The following PDZD2 variants were observed in gnomAD, a reference collection of about 807,000 sequenced individuals.
PDZD2 encodes the protein PDZ domain-containing protein 2.
Under a neutral mutation model 220.7 loss-of-function variants are expected in PDZD2, and 90 were observed. The observed-to-expected ratio is 0.41, with a 90% CI of 0.34 to 0.49. The LOEUF is 0.49. Among genes scored for constraint, PDZD2 ranks in the 20% least tolerant of loss-of-function variants. The probability of loss-of-function intolerance (pLI) is 0.28; values close to 1 mark genes in which losing one functional copy is unlikely to be tolerated. For missense variants in PDZD2, 3,174 were observed against 3,608.5 expected (o/e 0.88, Z 3.08); for synonymous variants, 1,375 against 1,450.5 (o/e 0.95, Z 1.18).
At position 32,101,088 on chromosome 5, in the gene PDZD2, G is replaced by A; in HGVS notation, c.8219-17G>A. The A allele has an allele frequency of 1.2e-6, 2 of 1,614,066 alleles. No homozygotes were observed. The highest frequency in any genetic ancestry group is 8.5e-7 in the Non-Finnish European group (1 of 1,179,934). On this transcript the variant is annotated splice_polypyrimidine_tract_variant and intron_variant, in intron 23 of 24. Coordinates refer to ENST00000438447, the MANE Select transcript of PDZD2 (RefSeq NM_178140.4). ...ACAACCCTGTCATTTTCATCTTGGT[G>A]CACGCTGCGGCTGCAGGGAGAAGTG...
intron 2 of PDZD2, among the ~76,000 whole-genome samples, chr5:31,846,424 C>T (rs1757591976): frequency 6.6e-6 from 1 of 152,146 alleles, no homozygotes; most frequent in Admixed American, 6.6e-5. Flanking sequence ...CGTGAGCCAC[C>T]ACGCCTGGCC....
intron 1 of PDZD2, among the ~76,000 whole-genome samples, chr5:31,717,894 C>G (rs531510142): frequency 6.6e-6 from 1 of 152,272 alleles, no homozygotes; most frequent in East Asian, 1.9e-4. Context: ...TGGAAGGAGC[C>G]TGGAGCCAGC....
intron 1 of PDZD2, among the ~76,000 whole-genome samples, chr5:31,750,598 A>G (rs1656959593): frequency 6.6e-6 from 1 of 152,110 alleles, no homozygotes; most frequent in African/African-American, 2.4e-5. Flanking sequence ...GCGCCGCTCC[A>G]GGGAGGATAT....
In PDZD2 at chr5:32,056,416, G is replaced by C. The variant is rs143362097; in HGVS notation, c.1901-1239G>C. 6.4e-4 allele frequency among the ~76,000 whole-genome samples: 98 copies of C among 152,314 alleles called. No individual in the cohort carries two copies. In the East Asian group the frequency reaches 0.014, roughly 21 times the overall value. ...CTTTGCACTTTCTTATAGGCGTACA[G>C]AGTCCCTCTTCTCTACAGCAATGCT... On this transcript the variant is annotated intron_variant, in intron 10 of 24. Transcript: ENST00000438447.
chr5:31,824,686 A>G (rs973447088), intron 2 of PDZD2, among the ~76,000 whole-genome samples: 3 of 95,784 alleles, frequency 3.1e-5, no homozygotes, highest in African/African-American at 1.4e-4. Flanking sequence ...TCTAACCTGA[A>G]AAAAAAAAAA....
chr5:32,053,816 G>A lies in PDZD2; in HGVS notation c.1833G>A (p.Gln611=), dbSNP rs10940998. ...IAGGRDCIRG[Q]MGIFVKTIFP... is the part of the protein sequence containing the mutation. ...GAGGTCGAGACTGCATTCGTGGACA[G>A]ATGGGGATTTTTGTCAAGACCATCT... is the stretch of plus-strand genomic sequence containing the variant. Residue 611 remains glutamine (Q), a synonymous_variant, in exon 10 of 25, where the codon CAG becomes CAA. Coordinates refer to ENST00000438447, the MANE Select transcript of PDZD2 (RefSeq NM_178140.4). 8.0e-3 allele frequency: 12,892 copies of A among 1,613,612 alleles called. 93 individuals carry two copies. Among genetic ancestry groups the A allele is most frequent in the Non-Finnish European group, 8.8e-3 (10,432 of 1,179,496 alleles).
At chr5:31,678,128 G>C (rs1166879678) in intron 1 of PDZD2, among the ~76,000 whole-genome samples, 1 of 152,194 alleles carries the variant, frequency 6.6e-6, no homozygotes, top group Non-Finnish European at 1.5e-5. Flanking sequence ...GGGACAGATG[G>C]TCAGCGAGCA....
chr5:32,042,465 C>G (rs1417773295), intron 7 of PDZD2, among the ~76,000 whole-genome samples: 1 of 151,664 alleles, frequency 6.6e-6, no homozygotes, highest in African/African-American at 2.4e-5. Context: ...CCCAGCTACT[C>G]GGGAACCTGA....
Position 31,799,290 on chromosome 5 carries a change from C to T in PDZD2, c.42C>T (p.Leu14=), listed in dbSNP as rs1217842592. ...ACAATGCCGTGCTGCACCTGCCCCT[C>T]CTCTACCAGTGGCTGCAGAACAGCC... ...TQDNAVLHLP[L]LYQWLQNSLQ... Residue 14 remains leucine, a synonymous_variant, in exon 2 of 25, where the codon CTC becomes CTT. Transcript: ENST00000438447. 2 of 1,613,182 alleles carry T rather than the reference C, an allele frequency of 1.2e-6. No homozygotes were observed. The highest frequency in any genetic ancestry group is 8.5e-7 in the Non-Finnish European group (1 of 1,179,448).
At chr5:31,712,763 C>A (rs891997352) in intron 1 of PDZD2, among the ~76,000 whole-genome samples, 6 of 152,188 alleles carry the variant, frequency 3.9e-5, no homozygotes, top group Admixed American at 3.9e-4. Flanking sequence ...CACAGAAAAG[C>A]GCAGGAATTG....
chr5:32,095,724 T>G (rs867403700), intron 21 of PDZD2, among the ~76,000 whole-genome samples: 3 of 151,876 alleles, frequency 2.0e-5, no homozygotes, highest in Admixed American at 6.6e-5. Context: ...CATTTTCTTT[T>G]TTTTTTTCCT....
At chr5:32,037,108 C>G in intron 6 of PDZD2, 123 bp from the exon 7 acceptor site, 1 of 644,760 alleles carries the variant, frequency 1.6e-6, no homozygotes, top group Non-Finnish European at 2.7e-6. Flanking sequence ...TCCCGTGGTC[C>G]TTCTTCTCAC....
intron 1 of PDZD2, among the ~76,000 whole-genome samples, chr5:31,677,033 G>T (rs1361225141): frequency 6.6e-6 from 1 of 152,036 alleles, no homozygotes; most frequent in African/African-American, 2.4e-5. Flanking sequence ...GTGTCCCCTC[G>T]ATAGGGTCAG....
intron 1 of PDZD2, among the ~76,000 whole-genome samples, chr5:31,659,864 G>T (rs1296763370): frequency 6.6e-6 from 1 of 152,138 alleles, no homozygotes; most frequent in Non-Finnish European, 1.5e-5. Flanking sequence ...GATTGAGCTG[G>T]GTGGCTTCAA....
intron 2 of PDZD2, among the ~76,000 whole-genome samples, chr5:31,826,624 C>T (rs779426289): frequency 8.6e-5 from 13 of 150,568 alleles, no homozygotes; most frequent in Admixed American, 4.0e-4. Context: ...TGCAGTGAGC[C>T]GAGATCACGC....
At chr5:31,716,300 G>C (rs1326767125) in intron 1 of PDZD2, among the ~76,000 whole-genome samples, 1 of 152,168 alleles carries the variant, frequency 6.6e-6, no homozygotes, top group Admixed American at 6.5e-5. Context: ...TATGGTAAGA[G>C]ACACAGACAT....
At chr5:31,769,374 TG>T (rs1403321049) in intron 1 of PDZD2, among the ~76,000 whole-genome samples, 1 of 152,246 alleles carries the variant, frequency 6.6e-6, no homozygotes, top group East Asian at 1.9e-4. Flanking sequence ...AAAATCCTAG[TG>T]CCAGAATTTC....
intron 6 of PDZD2, among the ~76,000 whole-genome samples, chr5:32,029,906 T>G (rs1469934776): frequency 1.3e-5 from 2 of 152,222 alleles, no homozygotes; most frequent in East Asian, 3.8e-4. Flanking sequence ...TGGCTTCTCT[T>G]AAAGATGCCA....
intron 1 of PDZD2, among the ~76,000 whole-genome samples, chr5:31,689,351 A>ATTTTTTTTT (rs1288275783): frequency 1.8e-4 from 5 of 28,186 alleles, no homozygotes; most frequent in Admixed American, 9.1e-4. Flanking sequence ...ATATATATAT[A>ATTTTTTTTT]TATTTTTTTT....
Sources: allele counts gnomAD v4.1 joint callset (sites outside exome capture counted in the v4.1 genomes callset), GRCh38; gene constraint gnomAD v4.1.1; transcripts MANE v1.5; gene names NCBI Gene and HGNC (gene_info 2026-07-23, HGNC 2026-07-21).